SOD2: variants seen among roughly 807,000 people sequenced by gnomAD.
SOD2 encodes the protein superoxide dismutase [Mn], mitochondrial.
A neutral mutation model predicts 27.0 loss-of-function variants in SOD2; 11 were observed. The ratio of observed to expected loss-of-function variants is 0.41; its 90% CI spans 0.26 to 0.67. SOD2 has a LOEUF of 0.67. Ranked by LOEUF, SOD2 falls within the 30% of genes least tolerant of loss-of-function variation. The pLI is 0.34. For missense variants in SOD2, 250 were observed against 274.5 expected (o/e 0.91, Z 0.63); for synonymous variants, 105 against 103.0 (o/e 1.02, Z -0.12).
chr6:159,754,997 A>G lies in SOD2; in HGVS notation c.-336+6040T>C, dbSNP rs780845614. The G allele has an allele frequency of 2.6e-6, 4 of 1,560,384 alleles. No individual in the cohort carries two copies. In the South Asian group the frequency reaches 3.6e-5, roughly 14 times the overall value. On this transcript the variant is annotated intron_variant, in intron 1 of 7. Transcript: ENST00000546087. ...AACATTTTTCAATGTTATAAACGAT[A>G]TTAAAGTTGGTCTGACTCTCCTTTG...
chr6:159,742,210 G>A, intron 1 of SOD2: 1 of 1,373,896 alleles, frequency 7.3e-7, no homozygotes, highest in Non-Finnish European at 1.0e-6. Context: ...AAATCAAAAG[G>A]ATAGTTGTTT....
At chr6:159,710,631 C>T (rs1418978248) in intron 1 of SOD2, among the ~76,000 whole-genome samples, 1 of 152,108 alleles carries the variant, frequency 6.6e-6, no homozygotes, top group Non-Finnish European at 1.5e-5. Flanking sequence ...CCTAACCAAG[C>T]TTTGACTGAC....
rs1239566719 is a variant in SOD2 at position 159,677,533 on chromosome 6, G to A, written c.*4960C>T. ...CAATGACCAGAGTAAAATATCACCA[G>A]AACTTTATGTAAAATACATCTTGTA... On this transcript the variant is annotated 3_prime_UTR_variant, in exon 5 of 5. Coordinates refer to ENST00000538183, the MANE Select transcript of SOD2 (RefSeq NM_000636.4). 1 of 152,132 alleles carries A rather than the reference G, an allele frequency of 6.6e-6. No individual in the cohort carries two copies. The highest frequency in any genetic ancestry group is 2.4e-5 in the African/African-American group (1 of 41,426). 9.4% of individuals were successfully genotyped at this position (152,132 alleles called of 1,614,324 possible).
At chr6:159,712,262 A>C (rs1196407737) in intron 1 of SOD2, among the ~76,000 whole-genome samples, 3 of 138,048 alleles carry the variant, frequency 2.2e-5, no homozygotes, top group Admixed American at 7.2e-5. Context: ...AACCACCTCC[A>C]TAACCACCAC....
chr6:159,736,245 CT>C (rs750355245), intron 1 of SOD2: 4,035 of 1,268,234 alleles, frequency 3.2e-3, no homozygotes, highest in South Asian at 9.1e-3. Context: ...TTTTCCGCAA[CT>C]TTTTTTTTTA....
chr6:159,692,438 A>C, intron 2 of SOD2: 1 of 1,402,606 alleles, frequency 7.1e-7, no homozygotes, highest in Non-Finnish European at 9.3e-7. Flanking sequence ...CAGGACCCCA[A>C]GTTCCCTGAG....
At chr6:159,688,706 ACTC>A (rs1013881511) in intron 2 of SOD2, among the ~76,000 whole-genome samples, 3 of 151,286 alleles carry the variant, frequency 2.0e-5, no homozygotes, top group Admixed American at 2.0e-4. Context: ...CCCCAAACTT[ACTC>A]CTCCTATTGT....
upstream of SOD2, chr6:159,749,439 T>C (rs1293578634): frequency 1.0e-6 from 1 of 984,168 alleles, no homozygotes. Context: ...TTTTTTTTTT[T>C]TTAAGTTCAA....
intron 1 of SOD2, among the ~76,000 whole-genome samples, chr6:159,752,161 A>T (rs112256449): frequency 5.4e-4 from 83 of 152,314 alleles, no homozygotes; most frequent in African/African-American, 1.9e-3. Context: ...CTTATAAGGC[A>T]TACTGAAGTA....
intron 1 of SOD2, chr6:159,713,540 C>T (rs1469140075): frequency 5.6e-6 from 4 of 718,562 alleles, no homozygotes; most frequent in Non-Finnish European, 1.0e-5. Context: ...AAGGCTTCCC[C>T]TGTGCTTCTG....
In SOD2 at chr6:159,702,818, C is replaced by T. The variant is rs188601087; in HGVS notation, c.-115-9955G>A. On this transcript the variant is annotated intron_variant, in intron 1 of 2. Transcript: ENST00000401980. ...TATGTTGTGATGGCACCACTGCACT[C>T]CAGCCTGGGCGACAGAGCAAGACCC... Among the ~76,000 whole-genome samples, 734 of 141,374 alleles carry T rather than the reference C, an allele frequency of 5.2e-3. 5 individuals are homozygous for T. The highest frequency in any genetic ancestry group is 0.018 in the African/African-American group (694 of 37,764). The allele number at this position is 141,374 out of a possible 152,430, so 92.7% of individuals were successfully genotyped here. A position where few individuals can be genotyped will look rare whatever the true frequency, so the allele number is the denominator to read the frequency against.
chr6:159,754,118 C>T (rs1017400829), intron 1 of SOD2, among the ~76,000 whole-genome samples: 1 of 152,140 alleles, frequency 6.6e-6, no homozygotes, highest in Non-Finnish European at 1.5e-5. Flanking sequence ...GTAGCTGTAT[C>T]TCTGTTTCTC....
At chr6:159,740,498 T>C (rs1034261078) in intron 1 of SOD2, among the ~76,000 whole-genome samples, 1 of 152,122 alleles carries the variant, frequency 6.6e-6, no homozygotes, top group Non-Finnish European at 1.5e-5. Context: ...TGCTTCAGTT[T>C]TTATATTTTT....
chr6:159,704,295 G>C (rs1047960526), intron 1 of SOD2, among the ~76,000 whole-genome samples: 4 of 152,220 alleles, frequency 2.6e-5, no homozygotes, highest in Non-Finnish European at 5.9e-5. Context: ...AGTGGGTGCA[G>C]AGCACTGAGT....
Position 159,677,940 on chromosome 6 carries a change from T to C in SOD2, c.*4553A>G, listed in dbSNP as rs933709853. On this transcript the variant is annotated 3_prime_UTR_variant, in exon 5 of 5. Transcript: ENST00000538183. Reference sequence around the variant, plus strand: ...TGGTGGCTGGGAGCCTCTAGGTAGCTTCAGGACGGGGGGCTGCTTACCAGA... The same window carrying C: ...TGGTGGCTGGGAGCCTCTAGGTAGCCTCAGGACGGGGGGCTGCTTACCAGA... 1 of 152,172 alleles carries C rather than the reference T, an allele frequency of 6.6e-6. No homozygotes were observed. The highest frequency in any genetic ancestry group is 1.5e-5 in the Non-Finnish European group (1 of 68,042). The allele number at this position is 152,172 out of a possible 1,614,324, so 9.4% of individuals were successfully genotyped here.
intron 1 of SOD2, among the ~76,000 whole-genome samples, chr6:159,702,798 T>C (rs1777549056): frequency 7.0e-6 from 1 of 143,196 alleles, no homozygotes; most frequent in African/African-American, 2.7e-5. Flanking sequence ...TGCAGTATGT[T>C]GTGATGGCAC....
At chr6:159,696,675 T>C (rs2758349), upstream of SOD2, among the ~76,000 whole-genome samples, 71,131 of 151,864 alleles carry the variant, frequency 0.47, 17,118 homozygotes, top group Admixed American at 0.54. Context: ...AAATTCCACT[T>C]GCTGCTCACT....
chr6:159,692,579 G>C, intron 2 of SOD2, 82 bp downstream of exon 2: 1 of 1,582,374 alleles, frequency 6.3e-7, no homozygotes, highest in Non-Finnish European at 8.6e-7. Context: ...CTCCTCCACG[G>C]AGAGGCCCGT....
rs1232453941 is a variant in SOD2 at position 159,681,421 on chromosome 6, A to T, written c.*1072T>A. ...TCACACAGACGTCAGATAAGGGGGA[A>T]CACCAGGGACTAAACTCTGACCTCC... On this transcript the variant is annotated 3_prime_UTR_variant, in exon 5 of 5. Coordinates refer to ENST00000538183, the MANE Select transcript of SOD2 (RefSeq NM_000636.4). 1 of 152,350 alleles carries T rather than the reference A, an allele frequency of 6.6e-6. No individual in the cohort carries two copies. Among genetic ancestry groups the T allele is most frequent in the East Asian group, 1.9e-4 (1 of 5,198 alleles). The allele number at this position is 152,350 out of a possible 1,614,324, so 9.4% of individuals were successfully genotyped here.
Sources: gnomAD v4.1 joint callset for allele counts (sites outside exome capture counted in the v4.1 genomes callset) on GRCh38, gnomAD v4.1.1 for gene constraint, MANE v1.5 for transcripts, NCBI Gene and HGNC (gene_info 2026-07-23, HGNC 2026-07-21) for gene names.